Variants in IGF1R observed in about 807,000 individuals in gnomAD.
IGF1R encodes the protein insulin like growth factor 1 receptor.
Under a neutral mutation model 144.6 loss-of-function variants are expected in IGF1R, and 44 were observed. That is an observed-to-expected ratio of 0.30 (90% CI 0.24 to 0.39). IGF1R has a LOEUF of 0.39. IGF1R is among the 10% of genes least tolerant of loss of function. IGF1R has a pLI of 1.00. For missense variants in IGF1R, 1,355 were observed against 1,833.7 expected, an observed-to-expected ratio of 0.74 and a Z score of 4.77; for synonymous variants, 795 against 722.8, an observed-to-expected ratio of 1.10 and a Z score of -1.60.
chr15:98,821,235 C>A (rs983099876), intron 2 of IGF1R, among the ~76,000 whole-genome samples: 2 of 152,092 alleles, frequency 1.3e-5, no homozygotes, highest in Non-Finnish European at 2.9e-5. Context: ...TCTGGTTTTT[C>A]CCTTCCTCTG....
At chr15:98,772,640 A>G (rs184369811) in intron 2 of IGF1R, among the ~76,000 whole-genome samples, 1 of 151,518 alleles carries the variant, frequency 6.6e-6, no homozygotes, top group Admixed American at 6.6e-5. Flanking sequence ...AGAACTGTAT[A>G]TGTACACCAC....
Position 98,960,775 on chromosome 15 carries a change from G to A in IGF1R, c.*3333G>A, listed in dbSNP as rs61736167. On this transcript the variant is annotated 3_prime_UTR_variant, in exon 21 of 21. Transcript: ENST00000650285. ...AGTCCCTGATAGAACACACGCAGGA[G>A]CAGAGTCCCCTCCCCCTCCAGGCTG... 14,158 of 233,728 alleles carry A rather than the reference G, an allele frequency of 0.061. 781 individuals are homozygous for A. The highest frequency in any genetic ancestry group is 0.16 in the African/African-American group (7,433 of 45,432). The allele number at this position is 233,728 out of a possible 1,614,324, so 14.5% of individuals were successfully genotyped here.
At chr15:98,927,786 G>C (rs2015778978) in intron 13 of IGF1R, among the ~76,000 whole-genome samples, 1 of 152,188 alleles carries the variant, frequency 6.6e-6, no homozygotes, top group Non-Finnish European at 1.5e-5. Flanking sequence ...AGTCTTTAAA[G>C]AGTAACCATG....
intron 1 of IGF1R, among the ~76,000 whole-genome samples, chr15:98,668,106 G>C (rs2141190500): frequency 6.6e-6 from 1 of 152,276 alleles, no homozygotes; most frequent in African/African-American, 2.4e-5. Flanking sequence ...TTCTTGGCTT[G>C]CAGATGACAA....
chr15:98,709,052 T>A (rs566357779), intron 2 of IGF1R, among the ~76,000 whole-genome samples: 1 of 152,246 alleles, frequency 6.6e-6, no homozygotes, highest in African/African-American at 2.4e-5. Context: ...GCAATAGTTA[T>A]GTATATTGGC....
intron 5 of IGF1R, among the ~76,000 whole-genome samples, chr15:98,905,499 AAAAAG>A (rs540974560): frequency 4.6e-5 from 7 of 151,888 alleles, no homozygotes; most frequent in Non-Finnish European, 7.4e-5. Context: ...GTTAAAAAAA[AAAAAG>A]AAAAGAAAAA....
At chr15:98,889,525 G>T (rs1596400621) in intron 2 of IGF1R, among the ~76,000 whole-genome samples, 1 of 152,230 alleles carries the variant, frequency 6.6e-6, no homozygotes, top group East Asian at 1.9e-4. Flanking sequence ...TTGGGGACAG[G>T]TGTAACTTAT....
chr15:98,668,015 GACTTATGT>G (rs2052788886), intron 1 of IGF1R, among the ~76,000 whole-genome samples: 1 of 152,156 alleles, frequency 6.6e-6, no homozygotes, highest in Non-Finnish European at 1.5e-5. Flanking sequence ...TAAAACCACA[GACTTATGT>G]TTCTCACAGT....
Position 98,964,446 on chromosome 15 carries a change from C to G in IGF1R, c.*7004C>G, listed in dbSNP as rs2017348854. The G allele has an allele frequency of 8.8e-6, 2 of 226,978 alleles. No homozygotes were observed. The highest frequency in any genetic ancestry group is 4.4e-5 in the African/African-American group (2 of 44,956). The allele number at this position is 226,978 out of a possible 1,614,324, so 14.1% of individuals were successfully genotyped here. On this transcript the variant is annotated 3_prime_UTR_variant, in exon 21 of 21. Transcript: ENST00000650285. ...AACTGTCTATTTTGAATGGCTGAAG[C>G]TAAGGCAACGTTAGTTTCTCTTACT...
intron 2 of IGF1R, among the ~76,000 whole-genome samples, chr15:98,722,600 A>G (rs1441045013): frequency 6.6e-6 from 1 of 152,170 alleles, no homozygotes; most frequent in East Asian, 1.9e-4. Flanking sequence ...ACTACTGTGT[A>G]CAGCTTAGTT....
chr15:98,934,759 C>T, intron 15 of IGF1R, 65 bp from the exon 16 acceptor site: 1 of 1,392,588 alleles, frequency 7.2e-7, no homozygotes. Flanking sequence ...CTTAGAGTTC[C>T]CCCAAAGCAC....
chr15:98,790,409 G>A (rs781281446), intron 2 of IGF1R, among the ~76,000 whole-genome samples: 2 of 152,140 alleles, frequency 1.3e-5, no homozygotes, highest in African/African-American at 4.8e-5. Flanking sequence ...CACAGAAAAC[G>A]CCATAAGCTC....
intron 1 of IGF1R, among the ~76,000 whole-genome samples, chr15:98,679,578 T>C (rs2053135909): frequency 6.6e-6 from 1 of 152,220 alleles, no homozygotes; most frequent in Non-Finnish European, 1.5e-5. Flanking sequence ...GTAAGCCCAC[T>C]GTGCTTCCAG....
rs2052256824 is a variant in IGF1R at position 98,648,792 on chromosome 15, G to A, written c.-790G>A. ...CCTCCCGCGCGGGGGCAGCTCCACG[G>A]CGCGCCTCGCCTCGGCTGTGACCTT... is the stretch of plus-strand genomic sequence containing the variant. On this transcript the variant is annotated 5_prime_UTR_variant, in exon 1 of 21. Coordinates refer to ENST00000650285, the MANE Select transcript of IGF1R (RefSeq NM_000875.5). Among the ~76,000 whole-genome samples, 1 of 143,990 alleles carries A rather than the reference G, an allele frequency of 6.9e-6. No individual in the cohort carries two copies. Among genetic ancestry groups the A allele is most frequent in the Admixed American group, 6.8e-5 (1 of 14,642 alleles). The allele number at this position is 143,990 out of a possible 152,430, so 94.5% of individuals were successfully genotyped here.
chr15:98,760,363 T>TC (rs1596277133), intron 2 of IGF1R, among the ~76,000 whole-genome samples: 1 of 150,624 alleles, frequency 6.6e-6, no homozygotes, highest in East Asian at 2.0e-4. Context: ...AAAAAAAAAA[T>TC]CCGTTTACAT....
At chr15:98,897,087 A>G (rs577697698) in intron 4 of IGF1R, among the ~76,000 whole-genome samples, 182 bp downstream of exon 4, 2 of 152,306 alleles carry the variant, frequency 1.3e-5, no homozygotes, top group East Asian at 3.9e-4. Context: ...ACAGATTGAA[A>G]GGCAATCTGT....
At chr15:98,951,610 C>T (rs142319589) in intron 20 of IGF1R, among the ~76,000 whole-genome samples, 257 of 152,344 alleles carry the variant, frequency 1.7e-3, no homozygotes, top group African/African-American at 5.6e-3. Flanking sequence ...CCCAGCTGTC[C>T]GCCGGGGCTG....
At chr15:98,743,925 C>T (rs992659367) in intron 2 of IGF1R, among the ~76,000 whole-genome samples, 4 of 152,038 alleles carry the variant, frequency 2.6e-5, no homozygotes, top group African/African-American at 9.7e-5. Flanking sequence ...AGATAATGTC[C>T]AGGATTCTGG....
chr15:98,728,533 C>T (rs1377147209), intron 2 of IGF1R, among the ~76,000 whole-genome samples: 2 of 152,258 alleles, frequency 1.3e-5, no homozygotes, highest in Non-Finnish European at 2.9e-5. Flanking sequence ...GAATAGGTCT[C>T]ATGACATGTG....
Sources: gnomAD v4.1 joint callset for allele counts (sites outside exome capture counted in the v4.1 genomes callset) on GRCh38, gnomAD v4.1.1 for gene constraint, MANE v1.5 for transcripts, NCBI Gene and HGNC (gene_info 2026-07-23, HGNC 2026-07-21) for gene names.